Variants in ATCAY observed in about 807,000 individuals in gnomAD.
The protein encoded by ATCAY is ATCAY kinesin light chain interacting caytaxin.
In ATCAY, 22 loss-of-function variants were observed where a neutral mutation model predicts 47.7. That is an observed-to-expected ratio of 0.46 (90% confidence interval 0.33 to 0.66). ATCAY has a LOEUF of 0.66. Among genes scored for constraint, ATCAY ranks in the 30% least tolerant of loss-of-function variants. ATCAY has a pLI of 0.02. For synonymous variants in ATCAY, 216 were observed against 207.6 expected (o/e 1.04, Z -0.35); for missense variants, 452 against 515.0 (o/e 0.88, Z 1.18).
At position 3,908,261 on chromosome 19, in the gene ATCAY, T is replaced by C. The variant is rs2038883753; in HGVS notation, c.545-7T>C. On this transcript the variant is annotated splice_region_variant and splice_polypyrimidine_tract_variant and intron_variant, in intron 5 of 12. Transcript: ENST00000450849. The stretch of plus-strand genomic sequence containing the variant: ...TCTGACGTTGCCGATCGGCTGCCTC[T>C]CCTCAGGGTACTACGGCGAAGGCCT... 6.4e-7 allele frequency: 1 copy of C among 1,568,712 alleles called. No individual in the cohort carries two copies. The highest frequency in any genetic ancestry group is 1.2e-5 in the South Asian group (1 of 85,346).
At chr19:3,904,085 G>A (rs58830740) in intron 3 of ATCAY, among the ~76,000 whole-genome samples, 7,388 of 152,150 alleles carry the variant, frequency 0.049, 616 homozygotes, top group African/African-American at 0.17. Context: ...CCCAGGAGAC[G>A]GAGGTTGCAG....
At chr19:3,917,673 G>A (rs923696563) in intron 9 of ATCAY, 69 bp from the exon 10 acceptor site, 19 of 1,567,612 alleles carry the variant, frequency 1.2e-5, no homozygotes, top group Non-Finnish European at 1.6e-5. Flanking sequence ...GAAAAGGAAA[G>A]GGATTTCCCC....
At chr19:3,911,148 G>A (rs1239225817) in intron 8 of ATCAY, among the ~76,000 whole-genome samples, 1 of 152,168 alleles carries the variant, frequency 6.6e-6, no homozygotes, top group African/African-American at 2.4e-5. Flanking sequence ...GAAGGCTGAG[G>A]TGGGAGGATC....
chr19:3,905,753 G>T, intron 4 of ATCAY, 98 bp downstream of exon 4: 2 of 1,145,364 alleles, frequency 1.7e-6, no homozygotes, highest in Non-Finnish European at 2.5e-6. Flanking sequence ...TCACAAGTGG[G>T]GCAGGGGCTC....
intron 2 of ATCAY, among the ~76,000 whole-genome samples, chr19:3,890,008 C>A (rs57840041): frequency 2.7e-5 from 4 of 149,972 alleles, no homozygotes; most frequent in Non-Finnish European, 3.0e-5. Flanking sequence ...GCAGTGGCGC[C>A]ATCTCAGCTC....
At chr19:3,922,151 T>G in intron 12 of ATCAY, 2 of 702,570 alleles carry the variant, frequency 2.8e-6, no homozygotes, top group South Asian at 3.0e-5. Context: ...CTGCATGGCT[T>G]TTCTTAGCCT....
At chr19:3,916,645 C>A (rs779565933) in intron 9 of ATCAY, among the ~76,000 whole-genome samples, 1 of 152,094 alleles carries the variant, frequency 6.6e-6, no homozygotes, top group Non-Finnish European at 1.5e-5. Flanking sequence ...AGGCGCCCAC[C>A]ACCACACCCA....
At chr19:3,909,413 G>A in intron 6 of ATCAY, 73 bp from the exon 7 acceptor site, 1 of 1,513,242 alleles carries the variant, frequency 6.6e-7, no homozygotes, top group Non-Finnish European at 8.9e-7. Flanking sequence ...GAGGCAGGCA[G>A]GGTCGGCACC....
At position 3,899,049 on chromosome 19, in the gene ATCAY, C is replaced by T. The variant is rs74806342; in HGVS notation, c.78-3438C>T. On this transcript the variant is annotated intron_variant, in intron 2 of 12. Coordinates refer to ENST00000450849, the MANE Select transcript of ATCAY (RefSeq NM_033064.5). Reference sequence around the variant, plus strand: ...TTATGTTCATTCAAGTATGAGTTTTCGTGTGAACAGATGTTTTCATTTCCT... The same window carrying T: ...TTATGTTCATTCAAGTATGAGTTTTTGTGTGAACAGATGTTTTCATTTCCT... Among the ~76,000 whole-genome samples, 1,092 of 152,184 alleles carry T rather than the reference C, an allele frequency of 7.2e-3. 16 individuals are homozygous for T. Among genetic ancestry groups the T allele is most frequent in the African/African-American group, 0.025 (1,040 of 41,530 alleles).
rs1373632075 is a variant in ATCAY at position 3,907,522 on chromosome 19, G to A, written c.359-212G>A. Among the ~76,000 whole-genome samples the A allele has an allele frequency of 2.6e-5, 4 of 152,244 alleles. No homozygotes were observed. The highest frequency in any genetic ancestry group is 6.5e-5 in the Admixed American group (1 of 15,278). On this transcript the variant is annotated intron_variant, in intron 4 of 12. Transcript: ENST00000450849. This position sits in a 1 kb window ranked among gnomAD's most constrained non-coding sequence, Gnocchi z 5.1. ...GGGAGGCCAGCAAAGGGAATGTCCA[G>A]AAAGGCTTCCTGGAGGAGGCGGCAT... is the stretch of plus-strand genomic sequence containing the variant.
At chr19:3,915,339 A>ATTTTTT (rs55746542) in intron 9 of ATCAY, among the ~76,000 whole-genome samples, 1 of 127,230 alleles carries the variant, frequency 7.9e-6, no homozygotes, top group African/African-American at 2.8e-5. Context: ...TGCCTGGCTA[A>ATTTTTT]TTTTTTTTTT....
chr19:3,916,902 C>T (rs374337109), intron 9 of ATCAY, among the ~76,000 whole-genome samples: 24 of 151,286 alleles, frequency 1.6e-4, no homozygotes, highest in African/African-American at 4.8e-4. Context: ...CCAGCTTCTA[C>T]GTTCAAGGGA....
chr19:3,914,135 C>T (rs763737967), intron 9 of ATCAY, among the ~76,000 whole-genome samples: 77 of 146,584 alleles, frequency 5.3e-4, no homozygotes, highest in Non-Finnish European at 9.6e-4. Flanking sequence ...ACTCAGGAGG[C>T]TGAGGCAGGA....
At chr19:3,914,289 C>T (rs1417668205) in intron 9 of ATCAY, among the ~76,000 whole-genome samples, 2 of 147,588 alleles carry the variant, frequency 1.4e-5, no homozygotes, top group African/African-American at 5.0e-5. Flanking sequence ...CTGGCAACGC[C>T]TCCCAATCAC....
Position 3,907,821 on chromosome 19 carries a change from C to T in ATCAY, c.446C>T (p.Ala149Val), listed in dbSNP as rs1599289097. Residue 149 changes from alanine to valine, a missense_variant, in exon 5 of 13, where the codon GCC (alanine) becomes GTC (valine). Physicochemically the swap from Ala to Val is moderately conservative, Grantham distance 64. Transcript: ENST00000450849. The surrounding 1 kb of genome is among the most constrained non-coding windows in gnomAD (Gnocchi z 5.1). ...GGCACGACGGAGGACGGCAGCGCCG[C>T]CAACGGGCGCCTGTGGCGGACAGTG... ...GDGTTEDGSA[A>V]NGRLWRTVII... is the part of the protein sequence containing the mutation. The T allele has an allele frequency of 6.8e-6, 11 of 1,613,990 alleles. No individual in the cohort carries two copies. The highest frequency in any genetic ancestry group is 1.1e-5 in the South Asian group (1 of 91,090).
Position 3,902,508 on chromosome 19 carries a change from G to T in ATCAY, c.99G>T (p.Gly33=). 3 of 1,580,600 alleles carry T rather than the reference G, an allele frequency of 1.9e-6. No individual in the cohort carries two copies. Among genetic ancestry groups the T allele is most frequent in the Non-Finnish European group, 2.6e-6 (3 of 1,163,364 alleles). The change falls in exon 3 of 13, where the codon GGG becomes GGT. Residue 33 remains glycine, a synonymous_variant. Coordinates refer to ENST00000450849, the MANE Select transcript of ATCAY (RefSeq NM_033064.5). ...DLPRPLPEET[G]VELLGSPVED... ...GCAGGCCACTCCCAGAAGAGACGGG[G>T]GTGGAACTGCTTGGCAGCCCGGTGG... is the stretch of plus-strand genomic sequence containing the variant.
chr19:3,921,908 AC>A (rs374509635), intron 12 of ATCAY, among the ~76,000 whole-genome samples: 5 of 151,306 alleles, frequency 3.3e-5, no homozygotes, highest in African/African-American at 9.7e-5. Context: ...AAAAAAAAAA[AC>A]AAAAAAACAA....
chr19:3,891,971 C>T (rs1440678867), intron 2 of ATCAY, among the ~76,000 whole-genome samples: 1 of 152,110 alleles, frequency 6.6e-6, no homozygotes, highest in Non-Finnish European at 1.5e-5. Context: ...CTCGCTGCAA[C>T]CTCCACTTCC....
chr19:3,886,241 G>T (rs2038653259), intron 2 of ATCAY, among the ~76,000 whole-genome samples: 1 of 151,714 alleles, frequency 6.6e-6, no homozygotes, highest in Non-Finnish European at 1.5e-5. Context: ...TTGAGGTCAG[G>T]AGTTCGAGAC....
Sources: allele counts gnomAD v4.1 joint callset (sites outside exome capture counted in the v4.1 genomes callset), GRCh38; gene constraint gnomAD v4.1.1; non-coding constraint Gnocchi (gnomAD v3.1); transcripts MANE v1.5; gene names NCBI Gene and HGNC (gene_info 2026-07-23, HGNC 2026-07-21).